RGS3: variants seen among roughly 807,000 people sequenced by gnomAD.
RGS3 encodes regulator of G-protein signalling 3.
Under a neutral mutation model 132.6 loss-of-function variants are expected in RGS3, and 80 were observed. That is an observed-to-expected ratio of 0.60 (90% CI 0.50 to 0.73). The LOEUF (loss-of-function observed/expected upper bound fraction) is 0.73. Ranked by LOEUF, RGS3 falls within the 30% of genes least tolerant of loss-of-function variation. RGS3 has a pLI of 0.00. For synonymous variants in RGS3, 598 were observed against 620.6 expected (o/e 0.96, Z 0.54); for missense variants, 1,382 against 1,530.8 (o/e 0.90, Z 1.62).
intron 1 of RGS3, among the ~76,000 whole-genome samples, chr9:113,448,730 T>C (rs558459328): frequency 1.3e-5 from 2 of 152,274 alleles, no homozygotes; most frequent in African/African-American, 4.8e-5. Context: ...CTTAATAATA[T>C]ATGTTGAATG....
chr9:113,491,408 G>GC (rs1264488317), intron 7 of RGS3, among the ~76,000 whole-genome samples: 1 of 151,490 alleles, frequency 6.6e-6, no homozygotes, highest in Non-Finnish European at 1.5e-5. Flanking sequence ...ATGCCACCAT[G>GC]CCCAGCTGAT....
At chr9:113,530,979 T>G (rs1832437074) in intron 18 of RGS3, among the ~76,000 whole-genome samples, 1 of 152,222 alleles carries the variant, frequency 6.6e-6, no homozygotes, top group Admixed American at 6.5e-5. Context: ...ACAAGTGATT[T>G]CTCTTCATTG....
At chr9:113,460,698 C>T (rs919550079) in intron 1 of RGS3, among the ~76,000 whole-genome samples, 13 of 152,040 alleles carry the variant, frequency 8.6e-5, no homozygotes. Context: ...TATTATTTAA[C>T]ACCATTTAAC....
intron 1 of RGS3, chr9:113,460,377 G>GC (rs1367783622): frequency 4.2e-6 from 1 of 240,270 alleles, no homozygotes; most frequent in East Asian, 1.7e-4. Flanking sequence ...AAATTAGCCG[G>GC]GCGTGTTGGC....
exon 3 of RGS3, chr9:113,462,120 A>G (rs1283572549): frequency 6.2e-7 from 1 of 1,614,060 alleles, no homozygotes; most frequent in East Asian, 2.2e-5. Context: ...AAGCCCTGAT[A>G]TCGCTCTGCC....
intron 10 of RGS3, chr9:113,503,376 G>A (rs1210779661): frequency 6.6e-6 from 1 of 152,466 alleles, no homozygotes; most frequent in African/African-American, 2.4e-5. Flanking sequence ...TGATCATGGT[G>A]GACAGAGTGT....
At chr9:113,577,247 G>C (rs929007649) in intron 19 of RGS3, among the ~76,000 whole-genome samples, 1 of 152,188 alleles carries the variant, frequency 6.6e-6, no homozygotes, top group African/African-American at 2.4e-5. Flanking sequence ...ACCTCCCAAA[G>C]TGCTGGGATT....
rs1205946661 is a variant in RGS3, at chr9:113,507,461, G to A, written c.1260G>A (p.Gln420=). ...ATGGGGTCCAGGCACGGCCTGAGCA[G>A]CGCCACAGCTGCCACCTGGTATGTG... Residue 420 remains glutamine (Q), a synonymous_variant, in exon 13 of 25, where the codon CAG becomes CAA. Transcript: ENST00000350696. This position sits in a 1 kb window ranked among gnomAD's most constrained non-coding sequence, Gnocchi z 5.0. 1.2e-6 allele frequency: 2 copies of A among 1,613,706 alleles called. No homozygotes were observed. Among genetic ancestry groups the A allele is most frequent in the East Asian group, 2.2e-5 (1 of 44,870 alleles).
intron 19 of RGS3, among the ~76,000 whole-genome samples, chr9:113,580,291 G>T (rs553617649): frequency 6.6e-6 from 1 of 152,314 alleles, no homozygotes; most frequent in Non-Finnish European, 1.5e-5. Context: ...AGGCTCCAAG[G>T]AAACAGGGAG....
chr9:113,461,254 G>A (rs1829465051), intron 1 of RGS3, among the ~76,000 whole-genome samples: 1 of 151,966 alleles, frequency 6.6e-6, no homozygotes, highest in South Asian at 2.1e-4. Context: ...AAGAACCCCA[G>A]GGGGTGCTAG....
chr9:113,489,531 A>G (rs1419013437), intron 7 of RGS3, among the ~76,000 whole-genome samples: 1 of 151,948 alleles, frequency 6.6e-6, no homozygotes, highest in Admixed American at 6.6e-5. Context: ...GTGTAGTTTC[A>G]TTGATTGATT....
rs541543320 is a variant in RGS3 at position 113,482,000 on chromosome 9, C to T, written c.467-1059C>T. Among the ~76,000 whole-genome samples, 116 of 150,708 alleles carry T rather than the reference C, an allele frequency of 7.7e-4. 1 individual carries two copies. The highest frequency in any genetic ancestry group is 2.5e-3 in the African/African-American group (104 of 41,012). ...GGTGGAGGTTGCAGTGAGCCGAGAT[C>T]GTGCCATTGCACTCCAGCCTAGGCA... On this transcript the variant is annotated intron_variant, in intron 4 of 24. Transcript: ENST00000350696.
upstream of RGS3, among the ~76,000 whole-genome samples, chr9:113,456,099 T>G (rs1829356780): frequency 2.0e-5 from 3 of 152,332 alleles, no homozygotes; most frequent in African/African-American, 7.2e-5. Flanking sequence ...TATTTCCTTC[T>G]TAATACATCC....
intron 3 of RGS3, among the ~76,000 whole-genome samples, chr9:113,465,476 T>TGTGTGTGC (rs796647799): frequency 0.016 from 2,429 of 151,492 alleles, 28 homozygotes; most frequent in Non-Finnish European, 0.026. Context: ...TGTGTGTGTG[T>TGTGTGTGC]GTGTGCCTGT....
intron 17 of RGS3, among the ~76,000 whole-genome samples, chr9:113,524,304 C>T (rs571867236): frequency 6.6e-6 from 1 of 152,300 alleles, no homozygotes; most frequent in African/African-American, 2.4e-5. Context: ...ACACCGAGTC[C>T]CTTCTTCTCT....
At chr9:113,580,008 C>A (rs550114198) in intron 19 of RGS3, among the ~76,000 whole-genome samples, 1 of 152,224 alleles carries the variant, frequency 6.6e-6, no homozygotes, top group African/African-American at 2.4e-5. Flanking sequence ...ACCCTCCCAC[C>A]CCTGGGTTTC....
chr9:113,570,487 A>C (rs1166624372), intron 19 of RGS3: 1 of 152,148 alleles, frequency 6.6e-6, no homozygotes, highest in Non-Finnish European at 1.5e-5. Flanking sequence ...AAACCTTTTA[A>C]ATTGAAGTGC....
intron 3 of RGS3, among the ~76,000 whole-genome samples, chr9:113,474,964 G>T (rs1050548274): frequency 6.6e-6 from 1 of 152,158 alleles, no homozygotes; most frequent in Non-Finnish European, 1.5e-5. Context: ...TTCATCTGTG[G>T]TTCTCTACTG....
exon 24 of RGS3, chr9:113,595,723 G>T (rs1375868678): frequency 6.2e-7 from 1 of 1,614,084 alleles, no homozygotes; most frequent in Non-Finnish European, 8.5e-7. Flanking sequence ...CCAAGGCCAA[G>T]AAGATCTTTG....
Sources: gnomAD v4.1 joint callset for allele counts (sites outside exome capture counted in the v4.1 genomes callset) on GRCh38, gnomAD v4.1.1 for gene constraint, Gnocchi (gnomAD v3.1) non-coding constraint, MANE v1.5 for transcripts, NCBI Gene and HGNC (gene_info 2026-07-23, HGNC 2026-07-21) for gene names.